The following XRCC5 variants were observed in gnomAD, a reference collection of about 807,000 sequenced individuals.
The protein encoded by XRCC5 is X-ray repair cross complementing 5.
In XRCC5, 12 loss-of-function variants were observed where a neutral mutation model predicts 95.7. That is an observed-to-expected ratio of 0.13 (90% CI 0.08 to 0.20). The LOEUF (loss-of-function observed/expected upper bound fraction) is 0.20. Among genes scored for constraint, XRCC5 ranks in the 10% least tolerant of loss-of-function variants. The probability of loss-of-function intolerance (pLI) is 1.00; values close to 1 mark genes in which losing one functional copy is unlikely to be tolerated. For missense variants in XRCC5, 595 were observed against 873.9 expected (o/e 0.68, Z 4.02); for synonymous variants, 281 against 290.3 (o/e 0.97, Z 0.33).
At chr2:216,173,226 T>A (rs930358895) in intron 16 of XRCC5, among the ~76,000 whole-genome samples, 7 of 151,824 alleles carry the variant, frequency 4.6e-5, no homozygotes, top group African/African-American at 9.6e-5. Flanking sequence ...TCTTTTTTTT[T>A]AATTATTGTA....
chr2:216,135,381 A>G (rs778700025), intron 10 of XRCC5, among the ~76,000 whole-genome samples: 2 of 152,206 alleles, frequency 1.3e-5, no homozygotes, highest in Non-Finnish European at 2.9e-5. Context: ...ACCTGCCCCC[A>G]GTCAGTGATC....
chr2:216,129,708 C>G (rs1389883437), intron 8 of XRCC5, among the ~76,000 whole-genome samples: 3 of 152,358 alleles, frequency 2.0e-5, no homozygotes, highest in Admixed American at 1.3e-4. Context: ...GAGTCTTGCT[C>G]TGTCGCCCAG....
intron 10 of XRCC5, among the ~76,000 whole-genome samples, chr2:216,134,426 TTTTTG>T (rs1260095033): frequency 6.6e-6 from 1 of 151,380 alleles, no homozygotes; most frequent in African/African-American, 2.4e-5. Context: ...CTTGTTTTTT[TTTTTG>T]TTTTTTTTTT....
At chr2:216,171,583 G>T (rs2106033600) in intron 16 of XRCC5, among the ~76,000 whole-genome samples, 1 of 152,258 alleles carries the variant, frequency 6.6e-6, no homozygotes, top group Non-Finnish European at 1.5e-5. Flanking sequence ...ATCTGTTCAT[G>T]TCTCTCAGTG....
chr2:216,185,894 G>A (rs948205635), intron 16 of XRCC5, among the ~76,000 whole-genome samples: 2 of 152,134 alleles, frequency 1.3e-5, no homozygotes, highest in African/African-American at 4.8e-5. Flanking sequence ...CAAGGTGCTA[G>A]GGTTACAGGC....
rs1689084497 is a variant in XRCC5 at position 216,167,844 on chromosome 2, G to T, written c.1834+5796G>T. ...GCCCTATAAAAGTTTTTTTCTTAAA[G>T]AATTTGACATACTTTTTTAGTCCTT... is the stretch of plus-strand genomic sequence containing the variant. On this transcript the variant is annotated intron_variant, in intron 16 of 20. Coordinates refer to ENST00000392132, the MANE Select transcript of XRCC5 (RefSeq NM_021141.4). 2.0e-5 allele frequency among the ~76,000 whole-genome samples: 3 copies of T among 152,012 alleles called. No individual in the cohort carries two copies. In the South Asian group the frequency reaches 6.2e-4, roughly 32 times the overall value.
chr2:216,113,175 C>G (rs377451599), intron 2 of XRCC5, 46 bp downstream of exon 2: 33 of 1,492,908 alleles, frequency 2.2e-5, no homozygotes, highest in Non-Finnish European at 2.9e-5. Flanking sequence ...GTTTGAACTG[C>G]TTGTTGCCTC....
intron 16 of XRCC5, among the ~76,000 whole-genome samples, chr2:216,165,084 G>A (rs1000143273): frequency 1.3e-5 from 2 of 152,194 alleles, no homozygotes; most frequent in Non-Finnish European, 2.9e-5. Context: ...CTGTAAAATT[G>A]GAGGAGATGC....
chr2:216,176,086 A>T (rs1689269155), intron 16 of XRCC5: 1 of 186,038 alleles, frequency 5.4e-6, no homozygotes, highest in Non-Finnish European at 1.1e-5. Context: ...ACTGTGAGGA[A>T]GAGGCTGTGG....
chr2:216,127,218 C>T (rs574599690), intron 7 of XRCC5, among the ~76,000 whole-genome samples: 4 of 151,806 alleles, frequency 2.6e-5, no homozygotes, highest in South Asian at 2.1e-4. Context: ...CCAACCTGAG[C>T]GATAGAGCAA....
intron 5 of XRCC5, among the ~76,000 whole-genome samples, chr2:216,121,344 G>A (rs1696806006): frequency 6.6e-6 from 1 of 152,164 alleles, no homozygotes; most frequent in African/African-American, 2.4e-5. Flanking sequence ...AATAAAATGA[G>A]AAATCACCTT....
intron 14 of XRCC5, among the ~76,000 whole-genome samples, chr2:216,153,932 T>G (rs1261986596): frequency 6.6e-6 from 1 of 152,240 alleles, no homozygotes; most frequent in African/African-American, 2.4e-5. Flanking sequence ...TTATCTGCTT[T>G]CTTCTTCCTG....
chr2:216,181,263 T>TGAAGGA (rs1689381615), intron 16 of XRCC5, among the ~76,000 whole-genome samples: 1 of 152,202 alleles, frequency 6.6e-6, no homozygotes, highest in African/African-American at 2.4e-5. Flanking sequence ...ATTGGACAGT[T>TGAAGGA]CCAGCATCCT....
chr2:216,184,834 C>A (rs1336271878), intron 16 of XRCC5, among the ~76,000 whole-genome samples: 4 of 152,198 alleles, frequency 2.6e-5, no homozygotes, highest in African/African-American at 9.7e-5. Flanking sequence ...AAGAGGCCAT[C>A]CCCTTGTGAG....
rs565887870 is a variant in XRCC5, at chr2:216,204,353, A to G, written c.2141A>G (p.Asp714Gly). 5.6e-6 allele frequency: 9 copies of G among 1,613,984 alleles called. No homozygotes were observed. In the Admixed American group the frequency reaches 6.7e-5, roughly 12 times the overall value. ...GCCCCCAAAGACAAACCAAGTGGAGACACAGCAGCTGTATTTGAAGAAGGT... is the reference window on the plus strand; with the variant it reads ...GCCCCCAAAGACAAACCAAGTGGAGGCACAGCAGCTGTATTTGAAGAAGGT... ...FLAPKDKPSG[D>G]TAAVFEEGGD... Residue 714 changes from aspartate to glycine, a missense_variant, in exon 20 of 21, where the codon GAC becomes GGC. Around this residue, in one of 2 missense-constraint regions of XRCC5, gnomAD observed 309 missense variants for 382.9 expected, o/e 0.81. Transcript: ENST00000392132.
chr2:216,187,146 A>G (rs551448703), intron 16 of XRCC5, among the ~76,000 whole-genome samples: 3 of 152,352 alleles, frequency 2.0e-5, no homozygotes, highest in Admixed American at 2.0e-4. Flanking sequence ...CTAGAAGGCC[A>G]AAATCTGGTT....
At chr2:216,115,860 C>G (rs1696686752) in intron 2 of XRCC5, among the ~76,000 whole-genome samples, 1 of 151,782 alleles carries the variant, frequency 6.6e-6, no homozygotes, top group South Asian at 2.1e-4. Flanking sequence ...CCTTCCTTAC[C>G]CTTTTTTTCT....
At chr2:216,166,249 G>A (rs1689052436) in intron 16 of XRCC5, among the ~76,000 whole-genome samples, 1 of 152,060 alleles carries the variant, frequency 6.6e-6, no homozygotes, top group Non-Finnish European at 1.5e-5. Context: ...ACCCCGCCAA[G>A]TACCTGGAGC....
At chr2:216,114,728 C>T (rs971013251) in intron 2 of XRCC5, among the ~76,000 whole-genome samples, 1 of 152,010 alleles carries the variant, frequency 6.6e-6, no homozygotes, top group African/African-American at 2.4e-5. Context: ...CAGAAAACAC[C>T]TGGAGTTAGC....
Sources: gnomAD v4.1 joint callset for allele counts (sites outside exome capture counted in the v4.1 genomes callset) on GRCh38, gnomAD v4.1.1 for gene constraint, gnomAD v4.1.1 regional missense constraint, MANE v1.5 for transcripts, NCBI Gene and HGNC (gene_info 2026-07-23, HGNC 2026-07-21) for gene names.